The following SPRR2B variants were observed in gnomAD, a reference collection of about 807,000 sequenced individuals.
SPRR2B encodes small proline rich protein 2B.
In SPRR2B, 1 loss-of-function variant was observed where a neutral mutation model predicts 1.0. The observed-to-expected ratio is 1.01, with a 90% CI of 0.36 to 4.77. SPRR2B has a LOEUF of 4.77. SPRR2B is among the 30% of genes most tolerant of loss of function. The pLI is 0.16. For synonymous variants in SPRR2B, 27 were observed against 33.4 expected (o/e 0.81, Z 0.66); for missense variants, 53 against 88.7 (o/e 0.60, Z 1.62).
chr1:153,070,254 T>C lies in SPRR2B; in HGVS notation c.*367A>G. ...ATGCATAGATACTTTATTCAGGGAGTGAAAGAAAAGTGACAATTGCACAGG... is the reference window on the plus strand; with the variant it reads ...ATGCATAGATACTTTATTCAGGGAGCGAAAGAAAAGTGACAATTGCACAGG... On this transcript the variant is annotated 3_prime_UTR_variant, in exon 2 of 2. Transcript: ENST00000368755. 1 of 436,422 alleles carries C rather than the reference T, an allele frequency of 2.3e-6. No individual in the cohort carries two copies. Among genetic ancestry groups the C allele is most frequent in the Non-Finnish European group, 4.0e-6 (1 of 248,250 alleles). 27.0% of individuals were successfully genotyped at this position (436,422 alleles called of 1,614,324 possible). A position where few individuals can be genotyped will look rare whatever the true frequency, so the allele number is the denominator to read the frequency against.
chr1:153,071,683 T>A (rs1366178090), upstream of SPRR2B, among the ~76,000 whole-genome samples: 1 of 152,212 alleles, frequency 6.6e-6, no homozygotes, highest in Non-Finnish European at 1.5e-5. Context: ...CTGCCTAAAC[T>A]GAGCTGGTCC....
intron 1 of SPRR2B, among the ~76,000 whole-genome samples, 58 bp downstream of exon 1, chr1:153,071,511 T>A (rs1029106016): frequency 5.9e-5 from 9 of 152,096 alleles, no homozygotes; most frequent in African/African-American, 1.4e-4. Flanking sequence ...CTTGCTGGAT[T>A]CAAATTAAAT....
the SPRR2B span, among the ~76,000 whole-genome samples, chr1:153,086,584 G>A: frequency 3.3e-5 from 5 of 152,130 alleles, no homozygotes; most frequent in Non-Finnish European, 7.4e-5. Context: ...TATAGTGGGA[G>A]ACTGAAAAGT....
chr1:153,083,465 G>A, the SPRR2B span, among the ~76,000 whole-genome samples: 14 of 152,054 alleles, frequency 9.2e-5, no homozygotes, highest in Non-Finnish European at 1.5e-5. Context: ...TGTGGCTCTG[G>A]GCAAGATGGC....
At chr1:153,071,278 G>T (rs1364696887) in intron 1 of SPRR2B, among the ~76,000 whole-genome samples, 1 of 151,412 alleles carries the variant, frequency 6.6e-6, no homozygotes, top group Non-Finnish European at 1.5e-5. Flanking sequence ...CACCTGCTAA[G>T]ACACAAACCT....
At chr1:153,078,139 T>TA in the SPRR2B span, among the ~76,000 whole-genome samples, 2 of 151,938 alleles carry the variant, frequency 1.3e-5, no homozygotes, top group East Asian at 1.9e-4. Context: ...AAGAATGAAT[T>TA]AAAAAAAATA....
rs546954373 is a variant in SPRR2B, at chr1:153,070,515, C to G, written c.*106G>C. 3.9e-6 allele frequency: 6 copies of G among 1,532,490 alleles called. No individual in the cohort carries two copies. Among genetic ancestry groups the G allele is most frequent in the South Asian group, 3.8e-5 (3 of 78,328 alleles). The allele number at this position is 1,532,490 out of a possible 1,614,324, so 94.9% of individuals were successfully genotyped here. ...TCACAGGCTAAGGGGAAAGAAGCTC[C>G]CTATGAATCCATGATAAGCTTTGAT... On this transcript the variant is annotated 3_prime_UTR_variant, in exon 2 of 2. Transcript: ENST00000368755.
chr1:153,087,325 C>T, the SPRR2B span, among the ~76,000 whole-genome samples: 26,941 of 151,684 alleles, frequency 0.18, 4,093 homozygotes, highest in East Asian at 0.49. Flanking sequence ...AAAAACATAA[C>T]ATCACAAATA....
upstream of SPRR2B, among the ~76,000 whole-genome samples, chr1:153,074,785 T>A (rs1022983158): frequency 6.6e-6 from 1 of 152,218 alleles, no homozygotes; most frequent in African/African-American, 2.4e-5. Flanking sequence ...ATCTTAAAAT[T>A]CTACTTTGAA....
chr1:153,076,059 A>C (rs1654762299), upstream of SPRR2B, among the ~76,000 whole-genome samples: 1 of 152,162 alleles, frequency 6.6e-6, no homozygotes, highest in African/African-American at 2.4e-5. Flanking sequence ...CTATGTGAAA[A>C]ATATATGTTT....
rs983152365 is a variant in SPRR2B at position 153,070,525 on chromosome 1, C to T, written c.*96G>A. On this transcript the variant is annotated 3_prime_UTR_variant, in exon 2 of 2. Coordinates refer to ENST00000368755, the MANE Select transcript of SPRR2B (RefSeq NM_001388198.1). ...AGGGGAAAGAAGCTCCCTATGAATC[C>T]ATGATAAGCTTTGATGAGAAGATGA... is the stretch of plus-strand genomic sequence containing the variant. 1.9e-6 allele frequency: 3 copies of T among 1,542,110 alleles called. No individual in the cohort carries two copies. The highest frequency in any genetic ancestry group is 2.6e-6 in the Non-Finnish European group (3 of 1,143,040).
the SPRR2B span, among the ~76,000 whole-genome samples, chr1:153,087,787 C>A: frequency 6.6e-6 from 1 of 152,104 alleles, no homozygotes; most frequent in Non-Finnish European, 1.5e-5. Flanking sequence ...CAGGACAAAA[C>A]AAATTCATAG....
At chr1:153,078,512 T>A in the SPRR2B span, among the ~76,000 whole-genome samples, 2 of 149,620 alleles carry the variant, frequency 1.3e-5, no homozygotes, top group South Asian at 2.1e-4. Context: ...ATCCCTCCCC[T>A]CTACCCCCAC....
chr1:153,080,981 C>G, the SPRR2B span, among the ~76,000 whole-genome samples: 5 of 152,144 alleles, frequency 3.3e-5, no homozygotes, highest in Non-Finnish European at 7.3e-5. Flanking sequence ...TGTCAAGACT[C>G]ACAAAGACAT....
chr1:153,073,293 T>C (rs542449933), upstream of SPRR2B, among the ~76,000 whole-genome samples: 26 of 152,338 alleles, frequency 1.7e-4, no homozygotes, highest in African/African-American at 5.5e-4. Context: ...TTTCACTCAA[T>C]AGGTCCCCTA....
chr1:153,073,879 A>C (rs1654722451), upstream of SPRR2B, among the ~76,000 whole-genome samples: 2 of 152,344 alleles, frequency 1.3e-5, no homozygotes, highest in South Asian at 4.2e-4. Context: ...TTAGTACTTA[A>C]AAATGACAGG....
At position 153,070,575 on chromosome 1, in the gene SPRR2B, G is replaced by A. The variant is rs770286075; in HGVS notation, c.*46C>T. ...AAGGTGGAGCTGTGGAACGAGGTGA[G>A]CCAATTATCCTTATCCTCTCATGCT... is the stretch of plus-strand genomic sequence containing the variant. On this transcript the variant is annotated 3_prime_UTR_variant, in exon 2 of 2. Coordinates refer to ENST00000368755, the MANE Select transcript of SPRR2B (RefSeq NM_001388198.1). 1 of 1,587,066 alleles carries A rather than the reference G, an allele frequency of 6.3e-7. No individual in the cohort carries two copies.
chr1:153,077,654 T>C, the SPRR2B span, among the ~76,000 whole-genome samples: 1 of 151,616 alleles, frequency 6.6e-6, no homozygotes, highest in Non-Finnish European at 1.5e-5. Context: ...TCTCACTGCA[T>C]CACCCAGGCT....
chr1:153,082,818 T>G, the SPRR2B span, among the ~76,000 whole-genome samples: 2 of 150,642 alleles, frequency 1.3e-5, no homozygotes, highest in Non-Finnish European at 3.0e-5. Flanking sequence ...AAAAAGTAAA[T>G]TAAGCTAAAC....
Sources: allele counts gnomAD v4.1 joint callset (sites outside exome capture counted in the v4.1 genomes callset), GRCh38; gene constraint gnomAD v4.1.1; transcripts MANE v1.5; gene names NCBI Gene and HGNC (gene_info 2026-07-23, HGNC 2026-07-21).